Variants in GOLM2 observed in about 807,000 individuals in gnomAD.
The protein encoded by GOLM2 is protein GOLM2.
A neutral mutation model predicts 55.9 loss-of-function variants in GOLM2; 26 were observed. The ratio of observed to expected loss-of-function variants is 0.47; its 90% confidence interval spans 0.34 to 0.65. GOLM2 has a LOEUF of 0.65. Among genes scored for constraint, GOLM2 ranks in the 30% least tolerant of loss-of-function variants. The probability of loss-of-function intolerance (pLI) is 0.01; values close to 1 mark genes in which losing one functional copy is unlikely to be tolerated. For missense variants in GOLM2, 486 were observed against 531.8 expected, an observed-to-expected ratio of 0.91 and a Z score of 0.85; for synonymous variants, 165 against 194.6, an observed-to-expected ratio of 0.85 and a Z score of 1.27.
At chr15:44,390,794 C>T (rs2079482631) in intron 8 of GOLM2, among the ~76,000 whole-genome samples, 2 of 152,108 alleles carry the variant, frequency 1.3e-5, no homozygotes, top group African/African-American at 4.8e-5. Flanking sequence ...GTCTCGTACT[C>T]CTAACCTCAG....
chr15:44,374,116 A>C (rs1003479576), intron 6 of GOLM2, among the ~76,000 whole-genome samples: 8 of 152,148 alleles, frequency 5.3e-5, no homozygotes, highest in Non-Finnish European at 7.4e-5. Context: ...TAAATAAATA[A>C]ATATATAAAT....
intron 3 of GOLM2, 50 bp from the exon 4 acceptor site, chr15:44,331,938 A>G (rs2079024751): frequency 1.5e-6 from 2 of 1,312,264 alleles, no homozygotes; most frequent in Admixed American, 1.7e-5. Context: ...GACAACTTTG[A>G]GAATCCAATC....
intron 1 of GOLM2, among the ~76,000 whole-genome samples, chr15:44,304,996 A>G (rs149759108): frequency 1.6e-4 from 25 of 152,238 alleles, no homozygotes; most frequent in Middle Eastern, 3.4e-3. Context: ...GCCTTCTTCT[A>G]TGAATCACAA....
chr15:44,381,227 T>A (rs944804040), intron 8 of GOLM2, among the ~76,000 whole-genome samples: 12 of 152,186 alleles, frequency 7.9e-5, no homozygotes, highest in Admixed American at 2.6e-4. Flanking sequence ...TGACTTTTTT[T>A]AAAAATACAA....
chr15:44,382,501 A>G (rs2079410324), intron 8 of GOLM2, among the ~76,000 whole-genome samples: 2 of 151,668 alleles, frequency 1.3e-5, no homozygotes, highest in Non-Finnish European at 2.9e-5. Context: ...TAATTTTTGT[A>G]TTTTTAGTAG....
intron 2 of GOLM2, among the ~76,000 whole-genome samples, chr15:44,324,894 C>G (rs1415868987): frequency 3.3e-5 from 5 of 152,134 alleles, no homozygotes; most frequent in Non-Finnish European, 7.4e-5. Flanking sequence ...CCTGTACAAT[C>G]AACCTGACTC....
At chr15:44,329,827 A>G (rs2079009672) in intron 3 of GOLM2, among the ~76,000 whole-genome samples, 2 of 150,762 alleles carry the variant, frequency 1.3e-5, no homozygotes. Flanking sequence ...GCTTGAGTCC[A>G]GGAGATTGAG....
chr15:44,415,661 A>T lies in GOLM2; in HGVS notation c.*2255A>T, dbSNP rs1328280928. The T allele has an allele frequency of 1.3e-5, 2 of 152,590 alleles. No homozygotes were observed. The highest frequency in any genetic ancestry group is 4.8e-5 in the African/African-American group (2 of 41,436). 9.5% of individuals were successfully genotyped at this position (152,590 alleles called of 1,614,324 possible). ...TTCTGCCTTAAGATTTAGGTTTTTT[A>T]AATGTATTTTTGCCCTGAATTAAGT... On this transcript the variant is annotated 3_prime_UTR_variant, in exon 10 of 10. Transcript: ENST00000299957.
intron 6 of GOLM2, among the ~76,000 whole-genome samples, chr15:44,359,668 C>A (rs1195515149): frequency 6.6e-6 from 1 of 152,206 alleles, no homozygotes; most frequent in Non-Finnish European, 1.5e-5. Flanking sequence ...TCTGGCAAGG[C>A]AGGCCAACAT....
intron 9 of GOLM2, among the ~76,000 whole-genome samples, chr15:44,412,984 C>T (rs138533476): frequency 0.012 from 1,830 of 148,724 alleles, 25 homozygotes; most frequent in Non-Finnish European, 0.016. Flanking sequence ...GCCTAGGCAA[C>T]GGAGTGAGAG....
chr15:44,314,964 T>C (rs2078899125), intron 1 of GOLM2, among the ~76,000 whole-genome samples: 1 of 152,234 alleles, frequency 6.6e-6, no homozygotes, highest in Non-Finnish European at 1.5e-5. Context: ...TAATACCCGC[T>C]TGTTATTATT....
intron 6 of GOLM2, among the ~76,000 whole-genome samples, chr15:44,364,012 G>T (rs1324956971): frequency 6.6e-6 from 1 of 151,412 alleles, no homozygotes; most frequent in Non-Finnish European, 1.5e-5. Flanking sequence ...ATGGACACAG[G>T]AAGGGGAACA....
intron 6 of GOLM2, among the ~76,000 whole-genome samples, chr15:44,374,309 A>T (rs1366987766): frequency 6.6e-6 from 1 of 151,712 alleles, no homozygotes; most frequent in Non-Finnish European, 1.5e-5. Context: ...TTTATCAATG[A>T]TATATGTTTT....
intron 6 of GOLM2, among the ~76,000 whole-genome samples, chr15:44,346,508 G>A (rs2079125649): frequency 6.6e-6 from 1 of 152,078 alleles, no homozygotes; most frequent in Non-Finnish European, 1.5e-5. Flanking sequence ...GGTCACATGT[G>A]GCTATTTACA....
chr15:44,360,834 A>G (rs1401692236), intron 6 of GOLM2, among the ~76,000 whole-genome samples: 1 of 152,242 alleles, frequency 6.6e-6, no homozygotes, highest in Non-Finnish European at 1.5e-5. Context: ...GTAAAAGAAC[A>G]GAAATTATAA....
At chr15:44,376,110 A>C (rs62024129) in intron 6 of GOLM2, among the ~76,000 whole-genome samples, 2 of 152,182 alleles carry the variant, frequency 1.3e-5, no homozygotes, top group African/African-American at 4.8e-5. Context: ...GCGCATGCCT[A>C]TAATCCCAGC....
intron 1 of GOLM2, among the ~76,000 whole-genome samples, chr15:44,293,471 T>G (rs1415722915): frequency 1.3e-5 from 2 of 152,228 alleles, no homozygotes; most frequent in Non-Finnish European, 2.9e-5. Context: ...ACATTATGTC[T>G]TCTGAAGCTT....
intron 1 of GOLM2, among the ~76,000 whole-genome samples, chr15:44,294,956 A>G (rs1190631671): frequency 6.6e-6 from 1 of 151,780 alleles, no homozygotes; most frequent in Non-Finnish European, 1.5e-5. Context: ...CTATAAGGTT[A>G]TCTTTGGAAA....
intron 6 of GOLM2, among the ~76,000 whole-genome samples, chr15:44,352,607 A>G (rs907794817): frequency 2.0e-5 from 3 of 152,172 alleles, no homozygotes; most frequent in Non-Finnish European, 4.4e-5. Context: ...ACAACAGAGG[A>G]AACAATCAGA....
Sources: allele counts gnomAD v4.1 joint callset (sites outside exome capture counted in the v4.1 genomes callset), GRCh38; gene constraint gnomAD v4.1.1; transcripts MANE v1.5; gene names NCBI Gene and HGNC (gene_info 2026-07-23, HGNC 2026-07-21).